Variants in AGBL2 observed in about 807,000 individuals in gnomAD.
AGBL2 encodes cytosolic carboxypeptidase 2.
AGBL2 carries 87 observed loss-of-function variants against 103.0 expected under a neutral mutation model. The ratio of observed to expected loss-of-function variants is 0.84; its 90% CI spans 0.71 to 1.01. The LOEUF (loss-of-function observed/expected upper bound fraction) is 1.01. Ranked by LOEUF, AGBL2 falls within the 50% of genes least tolerant of loss-of-function variation. AGBL2 has a pLI of 0.00. For synonymous variants in AGBL2, 335 were observed against 356.7 expected (o/e 0.94, Z 0.69); for missense variants, 904 against 1,023.5 (o/e 0.88, Z 1.59).
chr11:47,689,320 T>G (rs1409647794), intron 10 of AGBL2, among the ~76,000 whole-genome samples: 1 of 151,192 alleles, frequency 6.6e-6, no homozygotes, highest in East Asian at 1.9e-4. Context: ...TTTTTTTTTT[T>G]TTGAGATGGA....
At position 47,699,445 on chromosome 11, in the gene AGBL2, C is replaced by G. The variant is rs1431933878; in HGVS notation, c.694+1G>C. On this transcript the variant is annotated splice_donor_variant, in intron 8 of 18. Coordinates refer to ENST00000525123, the MANE Select transcript of AGBL2 (RefSeq NM_024783.4). LOFTEE classifies it high-confidence loss of function. ...TTCATTGTTCAGTGTAATGACAATA[C>G]CTGAATCTAATTGATAGACAACTGT... 6.7e-7 allele frequency: 1 copy of G among 1,481,854 alleles called. No individual in the cohort carries two copies. Among genetic ancestry groups the G allele is most frequent in the East Asian group, 2.3e-5 (1 of 43,700 alleles). The allele number at this position is 1,481,854 out of a possible 1,614,324, so 91.8% of individuals were successfully genotyped here.
At chr11:47,702,252 G>A (rs556343165) in intron 7 of AGBL2, among the ~76,000 whole-genome samples, 37 of 152,210 alleles carry the variant, frequency 2.4e-4, no homozygotes, top group South Asian at 2.1e-3. Context: ...GGTTGCCCAA[G>A]CATGCCATGC....
At chr11:47,713,602 T>TTTA (rs2097541846) in intron 3 of AGBL2, among the ~76,000 whole-genome samples, 1 of 150,888 alleles carries the variant, frequency 6.6e-6, no homozygotes, top group South Asian at 2.1e-4. Context: ...TTATTTATTT[T>TTTA]TTTTGAGACA....
At chr11:47,678,860 C>A (rs2097389112) in intron 13 of AGBL2, among the ~76,000 whole-genome samples, 1 of 146,648 alleles carries the variant, frequency 6.8e-6, no homozygotes, top group Non-Finnish European at 1.5e-5. Flanking sequence ...GAGTTCCAGA[C>A]CAGCCTGACC....
At chr11:47,696,090 C>A (rs999783962) in intron 8 of AGBL2, among the ~76,000 whole-genome samples, 1 of 148,042 alleles carries the variant, frequency 6.8e-6, no homozygotes, top group Non-Finnish European at 1.5e-5. Context: ...CCCAGCTACC[C>A]TGGAGGCTGA....
intron 8 of AGBL2, among the ~76,000 whole-genome samples, chr11:47,695,205 T>G (rs2097463052): frequency 6.6e-6 from 1 of 151,612 alleles, no homozygotes; most frequent in Admixed American, 6.6e-5. Flanking sequence ...CTGGGCATGG[T>G]GGCTCACGCC....
At chr11:47,707,419 CAAG>C (rs2097524417) in intron 4 of AGBL2, among the ~76,000 whole-genome samples, 1 of 152,108 alleles carries the variant, frequency 6.6e-6, no homozygotes, top group African/African-American at 2.4e-5. Flanking sequence ...TGGCAGAAGG[CAAG>C]GAGGAGCAAG....
chr11:47,675,477 C>T (rs1018759320), intron 14 of AGBL2, among the ~76,000 whole-genome samples: 14 of 146,534 alleles, frequency 9.6e-5, no homozygotes, highest in African/African-American at 2.3e-4. Context: ...CTCCACCTCT[C>T]GGGTTCAGGC....
intron 8 of AGBL2, among the ~76,000 whole-genome samples, chr11:47,695,652 T>A (rs1447106776): frequency 6.7e-6 from 1 of 149,220 alleles, no homozygotes; most frequent in Non-Finnish European, 1.5e-5. Flanking sequence ...TACATGCCTG[T>A]AGCCCCAGCT....
intron 8 of AGBL2, among the ~76,000 whole-genome samples, chr11:47,698,322 A>G (rs765906989): frequency 2.0e-5 from 3 of 151,474 alleles, no homozygotes; most frequent in Non-Finnish European, 4.4e-5. Flanking sequence ...GCAGGCATGC[A>G]CTACCACACC....
chr11:47,698,670 T>C (rs2097486337), intron 8 of AGBL2, among the ~76,000 whole-genome samples: 1 of 152,188 alleles, frequency 6.6e-6, no homozygotes, highest in Admixed American at 6.6e-5. Context: ...TAACTTTTGA[T>C]ATGTTATGGT....
Position 47,690,855 on chromosome 11 carries a change from GTC to G in AGBL2, c.850_851del (p.Asp284HisfsTer3). 1.2e-6 allele frequency: 2 copies of G among 1,606,682 alleles called. No individual in the cohort carries two copies. Among genetic ancestry groups the G allele is most frequent in the South Asian group, 2.2e-5 (2 of 90,852 alleles). Reference sequence around the variant, plus strand: ...GCAAGGTGAGTTCATACTCATAGGTGTCTCTGTAATGGAGAAAATAGAACAAC... The same window carrying G: ...GCAAGGTGAGTTCATACTCATAGGTGTCTGTAATGGAGAAAATAGAACAAC... ...SGNLQKAVRV[D>X]TYEYELTLRT... On this transcript the variant is annotated frameshift_variant and splice_region_variant, in exon 10 of 19. Transcript: ENST00000525123. LOFTEE classifies it high-confidence loss of function.
chr11:47,702,958 T>C (rs1308491643), intron 7 of AGBL2, among the ~76,000 whole-genome samples: 1 of 152,084 alleles, frequency 6.6e-6, no homozygotes, highest in Non-Finnish European at 1.5e-5. Context: ...GTTCTGGTAA[T>C]TAGAGAAGTC....
chr11:47,713,217 G>T (rs1243407516), intron 3 of AGBL2, among the ~76,000 whole-genome samples: 1 of 151,610 alleles, frequency 6.6e-6, no homozygotes, highest in African/African-American at 2.4e-5. Flanking sequence ...GGTGGTGGGC[G>T]CCTGTAATCC....
chr11:47,660,284 C>T lies in AGBL2; in HGVS notation c.2598G>A (p.Glu866=), dbSNP rs747721104. 2 of 1,614,188 alleles carry T rather than the reference C, an allele frequency of 1.2e-6. No individual in the cohort carries two copies. Among genetic ancestry groups the T allele is most frequent in the South Asian group, 1.1e-5 (1 of 91,084 alleles). Residue 866 remains glutamate, a synonymous_variant, in exon 19 of 19, where the codon GAG becomes GAA. Transcript: ENST00000525123. The part of the protein sequence containing the change: ...SPKRTINSSQ[E]PAPGMKPNWP... ...AGTTTGGCTTCATACCTGGAGCTGG[C>T]TCTTGGCTGGAGTTTATGGTTCTCT...
At chr11:47,712,220 G>T (rs1047073986) in intron 3 of AGBL2, among the ~76,000 whole-genome samples, 8 of 152,128 alleles carry the variant, frequency 5.3e-5, no homozygotes, top group African/African-American at 1.9e-4. Flanking sequence ...CAGTGATTTG[G>T]ATTTAGTACT....
At chr11:47,673,793 C>CAAA (rs66460144) in intron 14 of AGBL2, among the ~76,000 whole-genome samples, 33 of 75,724 alleles carry the variant, frequency 4.4e-4, no homozygotes, top group Admixed American at 1.3e-3. Context: ...GACTCCATCT[C>CAAA]AAAAAAAAAA....
intron 17 of AGBL2, among the ~76,000 whole-genome samples, chr11:47,664,745 A>G (rs776410918): frequency 6.6e-6 from 1 of 151,700 alleles, no homozygotes; most frequent in Non-Finnish European, 1.5e-5. Context: ...TTTTGTAGAG[A>G]TAGGATCTTG....
At chr11:47,703,857 G>A (rs991832663) in intron 7 of AGBL2, among the ~76,000 whole-genome samples, 15 of 151,340 alleles carry the variant, frequency 9.9e-5, no homozygotes, top group Admixed American at 6.6e-4. Flanking sequence ...CCTGCGAGGC[G>A]GAGGTTGCAG....
Sources: gnomAD v4.1 joint callset for allele counts (sites outside exome capture counted in the v4.1 genomes callset) on GRCh38, gnomAD v4.1.1 for gene constraint, MANE v1.5 for transcripts, NCBI Gene and HGNC (gene_info 2026-07-23, HGNC 2026-07-21) for gene names.